Variants in WDFY3 observed in about 807,000 individuals in gnomAD.
WDFY3 encodes WD repeat and FYVE domain containing 3, also known as WD repeat and FYVE domain-containing protein 3.
WDFY3 carries 66 observed loss-of-function variants against 409.6 expected under a neutral mutation model. The observed-to-expected ratio is 0.16, with a 90% CI of 0.13 to 0.20. WDFY3 has a LOEUF of 0.20. WDFY3 is among the 10% of genes least tolerant of loss of function. The pLI, the probability that WDFY3 is intolerant of heterozygous loss-of-function variation, is 1.00. For missense variants in WDFY3, 3,031 were observed against 4,298.1 expected (o/e 0.71, Z 8.24); for synonymous variants, 1,521 against 1,537.1 (o/e 0.99, Z 0.25).
chr4:84,741,091 T>G (rs1171704323), intron 38 of WDFY3, among the ~76,000 whole-genome samples: 1 of 152,210 alleles, frequency 6.6e-6, no homozygotes, highest in Non-Finnish European at 1.5e-5. Context: ...TTTGTAAAGA[T>G]TCAACTGATA....
chr4:84,793,706 G>A (rs961595201), intron 21 of WDFY3, among the ~76,000 whole-genome samples: 3 of 152,164 alleles, frequency 2.0e-5, no homozygotes, highest in East Asian at 1.9e-4. Flanking sequence ...CAAATAAAGC[G>A]TCATAACAAG....
At chr4:84,842,511 C>A (rs1001369427) in intron 5 of WDFY3, among the ~76,000 whole-genome samples, 10 of 150,488 alleles carry the variant, frequency 6.6e-5, no homozygotes, top group African/African-American at 2.2e-4. Context: ...AATTTGTTCA[C>A]TAGGAACTAA....
At chr4:84,800,590 AGATCACAT>A (rs1427840423) in intron 17 of WDFY3, among the ~76,000 whole-genome samples, 1 of 152,234 alleles carries the variant, frequency 6.6e-6, no homozygotes, top group Non-Finnish European at 1.5e-5. Context: ...CAATCTGAAA[AGATCACAT>A]ACTGTATAAC....
intron 1 of WDFY3, among the ~76,000 whole-genome samples, chr4:84,937,426 G>A (rs1441219815): frequency 6.6e-6 from 1 of 151,986 alleles, no homozygotes; most frequent in African/African-American, 2.4e-5. Flanking sequence ...TAACCCACTG[G>A]CAAGTACTAT....
rs542641750 is a variant in WDFY3 at position 84,955,398 on chromosome 4, C to T, written c.-226+10811G>A. 2.6e-5 allele frequency among the ~76,000 whole-genome samples: 4 copies of T among 152,236 alleles called. No homozygotes were observed. In the South Asian group the frequency reaches 8.3e-4, roughly 32 times the overall value. ...TGTCTAATACCTGTTGCTCTTCTTA[C>T]AGGAAATGCAGGGAAGAAACATACC... On this transcript the variant is annotated intron_variant, in intron 1 of 67. Transcript: ENST00000295888.
intron 2 of WDFY3, among the ~76,000 whole-genome samples, chr4:84,919,471 C>A (rs1410460392): frequency 6.6e-5 from 10 of 152,042 alleles, no homozygotes. Context: ...TTATTAGTTG[C>A]AAGGAACATG....
At chr4:84,910,068 G>GA (rs1767559616) in intron 2 of WDFY3, among the ~76,000 whole-genome samples, 1 of 152,080 alleles carries the variant, frequency 6.6e-6, no homozygotes, top group South Asian at 2.1e-4. Flanking sequence ...AAAATATTCA[G>GA]AAAAAACAAA....
chr4:84,876,520 G>T (rs181362540), intron 3 of WDFY3, among the ~76,000 whole-genome samples: 1 of 152,150 alleles, frequency 6.6e-6, no homozygotes, highest in African/African-American at 2.4e-5. Context: ...TGGCACAAGT[G>T]CTCAGTAAGA....
At position 84,932,294 on chromosome 4, in the gene WDFY3, T is replaced by C. The variant is rs938928074; in HGVS notation, c.-156A>G. 1 of 152,138 alleles carries C rather than the reference T, an allele frequency of 6.6e-6. No individual in the cohort carries two copies. The highest frequency in any genetic ancestry group is 1.5e-5 in the Non-Finnish European group (1 of 68,030). 9.4% of individuals were successfully genotyped at this position (152,138 alleles called of 1,614,324 possible). A position where few individuals can be genotyped will look rare whatever the true frequency, so the allele number is the denominator to read the frequency against. On this transcript the variant is annotated 5_prime_UTR_variant, in exon 2 of 68. It removes an upstream start codon present in the reference 5' UTR. Coordinates refer to ENST00000295888, the MANE Select transcript of WDFY3 (RefSeq NM_014991.6). ...CCTGATTCTCTGTTCTGGGCTGGCA[T>C]GAACCTGCTTAGAAATGATAAGAAT...
At chr4:84,794,439 G>A (rs138039490) in intron 21 of WDFY3, 80 bp downstream of exon 21, 2 of 1,325,174 alleles carry the variant, frequency 1.5e-6, no homozygotes, top group Non-Finnish European at 2.1e-6. Context: ...GTTATTATTA[G>A]CTGGACTTTT....
chr4:84,761,426 A>C (rs1019902113), intron 32 of WDFY3, among the ~76,000 whole-genome samples: 2 of 152,024 alleles, frequency 1.3e-5, no homozygotes, highest in Non-Finnish European at 2.9e-5. Context: ...TCCCATTATA[A>C]ATGTGTGGGA....
At chr4:84,689,048 T>C (rs1418824859) in intron 61 of WDFY3, among the ~76,000 whole-genome samples, 1 of 152,246 alleles carries the variant, frequency 6.6e-6, no homozygotes, top group Non-Finnish European at 1.5e-5. Flanking sequence ...ATCCGCTTAA[T>C]AATGAGTTGG....
chr4:84,741,942 A>T, intron 37 of WDFY3, 21 bp from the exon 38 acceptor site: 1 of 1,560,598 alleles, frequency 6.4e-7, no homozygotes, highest in East Asian at 2.3e-5. Context: ...GTAGGAAAAA[A>T]AGTCTAAGAA....
chr4:84,919,075 G>C (rs1490447047), intron 2 of WDFY3, among the ~76,000 whole-genome samples: 1 of 151,888 alleles, frequency 6.6e-6, no homozygotes, highest in Non-Finnish European at 1.5e-5. Flanking sequence ...TGAAACTAAT[G>C]ACTTGCTTAA....
chr4:84,690,748 G>C, intron 60 of WDFY3, 84 bp from the exon 61 acceptor site: 1 of 1,461,668 alleles, frequency 6.8e-7, no homozygotes, highest in Non-Finnish European at 9.1e-7. Context: ...ATTGAGTGAA[G>C]GTGCAGGCAC....
At chr4:84,844,478 A>G (rs971771091) in intron 5 of WDFY3, 1 of 1,289,588 alleles carries the variant, frequency 7.8e-7, no homozygotes, top group Non-Finnish European at 1.0e-6. Context: ...TGGCTTTGAA[A>G]TCCTTGGGGG....
intron 2 of WDFY3, among the ~76,000 whole-genome samples, chr4:84,908,499 G>A (rs1207190701): frequency 6.6e-6 from 1 of 152,148 alleles, no homozygotes; most frequent in Non-Finnish European, 1.5e-5. Flanking sequence ...CATTCTGAAA[G>A]TGGAAATGAA....
In WDFY3 at chr4:84,803,401, T is replaced by C. The variant is rs201291069; in HGVS notation, c.2496A>G (p.Leu832=). Residue 832 remains leucine, a synonymous_variant, in exon 16 of 68, where the codon CTA becomes CTG. Transcript: ENST00000295888. ...TCTGCAGAGATGAAGTTGTCACATG[T>C]AGTTTCAGGTCGGCAACATTTTTAG... ...YPPKNVADLK[L]HVTTSSLQSS... 1.9e-6 allele frequency: 3 copies of C among 1,614,146 alleles called. No individual in the cohort carries two copies. The highest frequency in any genetic ancestry group is 4.5e-5 in the East Asian group (2 of 44,870).
chr4:84,726,828 G>T, intron 45 of WDFY3, 33 bp downstream of exon 45: 1 of 1,581,080 alleles, frequency 6.3e-7, no homozygotes. Flanking sequence ...ACTACAAGTA[G>T]TTTACATTCT....
Sources: gnomAD v4.1 joint callset for allele counts (sites outside exome capture counted in the v4.1 genomes callset) on GRCh38, gnomAD v4.1.1 for gene constraint, MANE v1.5 for transcripts, NCBI Gene and HGNC (gene_info 2026-07-23, HGNC 2026-07-21) for gene names.